Variants in TGM7 observed in about 807,000 individuals in gnomAD.
TGM7 encodes the protein transglutaminase 7.
Under a neutral mutation model 79.5 loss-of-function variants are expected in TGM7, and 74 were observed. That is an observed-to-expected ratio of 0.93 (90% confidence interval 0.77 to 1.13). The LOEUF is 1.13. Ranked by LOEUF, TGM7 falls within the 50% of genes most tolerant of loss-of-function variation. The pLI, the probability that TGM7 is intolerant of heterozygous loss-of-function variation, is 0.00. For synonymous variants in TGM7, 354 were observed against 362.5 expected (o/e 0.98, Z 0.27); for missense variants, 912 against 905.9 (o/e 1.01, Z -0.09).
At chr15:43,277,465 G>A (rs752844372) in intron 11 of TGM7, among the ~76,000 whole-genome samples, 5 of 152,222 alleles carry the variant, frequency 3.3e-5, no homozygotes, top group Non-Finnish European at 7.3e-5. Flanking sequence ...CGAGGAAACA[G>A]TGAGGCCAAG....
chr15:43,288,221 T>C (rs1231438616), intron 4 of TGM7, among the ~76,000 whole-genome samples: 1 of 152,162 alleles, frequency 6.6e-6, no homozygotes, highest in African/African-American at 2.4e-5. Context: ...GTGCACAATG[T>C]TTGTCACAAT....
intron 1 of TGM7, among the ~76,000 whole-genome samples, chr15:43,298,684 C>T (rs1276514702): frequency 1.3e-5 from 2 of 151,914 alleles, no homozygotes. Context: ...ACCCGGGAGG[C>T]GGAGGTTGCA....
chr15:43,282,470 TC>T, intron 8 of TGM7, 46 bp downstream of exon 8: 1 of 1,511,686 alleles, frequency 6.6e-7, no homozygotes, highest in Non-Finnish European at 9.0e-7. Flanking sequence ...GTCACCCTAA[TC>T]TGCCTCCCCA....
At chr15:43,290,232 A>G (rs2042956951) in intron 4 of TGM7, among the ~76,000 whole-genome samples, 1 of 152,146 alleles carries the variant, frequency 6.6e-6, no homozygotes, top group Non-Finnish European at 1.5e-5. Flanking sequence ...ATCTTGAATT[A>G]ATTTTTGTAT....
At chr15:43,292,591 C>A in intron 3 of TGM7, 118 bp downstream of exon 3, 1 of 1,260,800 alleles carries the variant, frequency 7.9e-7, no homozygotes, top group Non-Finnish European at 1.1e-6. Context: ...TTTGTGAGAG[C>A]ACACGCTACT....
intron 4 of TGM7, among the ~76,000 whole-genome samples, chr15:43,288,643 TA>T (rs940688582): frequency 1.5e-4 from 23 of 151,596 alleles, no homozygotes; most frequent in South Asian, 6.3e-4. Flanking sequence ...GTAATTTGCT[TA>T]AAAAAAAATT....
chr15:43,287,422 C>G lies in TGM7; in HGVS notation c.723G>C (p.Gly241=). 1 of 1,614,144 alleles carries G rather than the reference C, an allele frequency of 6.2e-7. No individual in the cohort carries two copies. Among genetic ancestry groups the G allele is most frequent in the Non-Finnish European group, 8.5e-7 (1 of 1,180,048 alleles). Residue 241 remains glycine (G), a synonymous_variant, in exon 6 of 13, where the codon GGG becomes GGC. Transcript: ENST00000452443. ...CTTTGGAGTAGTCCTCGCCCCAGTT[C>G]CCCTGCAGCACGCCATTGTCATCGT... ...NSNDDNGVLQ[G]NWGEDYSKGV...
At chr15:43,300,140 C>A (rs1216848342) in intron 1 of TGM7, among the ~76,000 whole-genome samples, 4 of 152,204 alleles carry the variant, frequency 2.6e-5, no homozygotes, top group Non-Finnish European at 5.9e-5. Flanking sequence ...ACCCAGCAGC[C>A]ACTCCTCCAC....
Position 43,292,241 on chromosome 15 carries a change from C to A in TGM7, c.440-144G>T, listed in dbSNP as rs1190484146. 4.8e-6 allele frequency: 3 copies of A among 622,884 alleles called. No homozygotes were observed. In the African/African-American group the frequency reaches 5.5e-5, roughly 11 times the overall value. The allele number at this position is 622,884 out of a possible 1,614,324, so 38.6% of individuals were successfully genotyped here. A position where few individuals can be genotyped will look rare whatever the true frequency, so the allele number is the denominator to read the frequency against. On this transcript the variant is annotated intron_variant, in intron 3 of 12. Transcript: ENST00000452443. The stretch of plus-strand genomic sequence containing the variant: ...ATAGCAACAGAAATTAAGACTAGAC[C>A]CCCTTAAAGGTCTACTATGTGCTTT...
Position 43,279,824 on chromosome 15 carries a change from C to T in TGM7, c.1479G>A (p.Gln493=). The change falls in exon 10 of 13, where the codon CAG becomes CAA. Residue 493 remains glutamine (Q), a synonymous_variant. Transcript: ENST00000452443. ...ACTCGGGTATCCTGGCCAGGTGAAG[C>T]TGCAGCTGCGCTGGCTGATCCCTAA... ...GGLRDQPAQL[Q]LHLARIPEWG... The T allele has an allele frequency of 6.2e-7, 1 of 1,614,248 alleles. No homozygotes were observed. Among genetic ancestry groups the T allele is most frequent in the Non-Finnish European group, 8.5e-7 (1 of 1,180,050 alleles).
chr15:43,293,502 A>T lies in TGM7; in HGVS notation c.140T>A (p.Phe47Tyr). The T allele has an allele frequency of 6.2e-7, 1 of 1,611,568 alleles. No individual in the cohort carries two copies. The highest frequency in any genetic ancestry group is 8.5e-7 in the Non-Finnish European group (1 of 1,179,400). ...GTTCTGGGACTGGAAGGGTCGGCTG[A>T]AGCTCAGCCGGAGGTAGAAGGGCTG... The part of the protein sequence containing the change: ...RGQPFYLRLS[F>Y]SRPFQSQNDH... Residue 47 changes from phenylalanine to tyrosine, a missense_variant, in exon 2 of 13, where the codon TTC becomes TAC. By Grantham distance (22) the Phe-to-Tyr change is conservative. Transcript: ENST00000452443.
chr15:43,281,654 G>A (rs2042909419), intron 9 of TGM7, among the ~76,000 whole-genome samples, 190 bp downstream of exon 9: 1 of 152,116 alleles, frequency 6.6e-6, no homozygotes, highest in Non-Finnish European at 1.5e-5. Context: ...ATTTAACTGG[G>A]CATCCTGTAT....
chr15:43,279,955 C>A lies in TGM7; in HGVS notation c.1352-4G>T. Reference sequence around the variant, plus strand: ...ACAGCTCTCTCCTCAGGGGATCCTGCAGAAGGGAGAGGTAGGAGAGACATG... The same window carrying A: ...ACAGCTCTCTCCTCAGGGGATCCTGAAGAAGGGAGAGGTAGGAGAGACATG... On this transcript the variant is annotated splice_polypyrimidine_tract_variant and splice_region_variant and intron_variant, in intron 9 of 12. Coordinates refer to ENST00000452443, the MANE Select transcript of TGM7 (RefSeq NM_052955.3). 1 of 1,612,220 alleles carries A rather than the reference C, an allele frequency of 6.2e-7. No homozygotes were observed. Among genetic ancestry groups the A allele is most frequent in the South Asian group, 1.1e-5 (1 of 90,936 alleles).
intron 3 of TGM7, 21 bp downstream of exon 3, chr15:43,292,688 C>T (rs1164519115): frequency 6.2e-7 from 1 of 1,612,518 alleles, no homozygotes; most frequent in Admixed American, 1.7e-5. Flanking sequence ...GTTAGCAATA[C>T]AAGCTGTGGG....
intron 1 of TGM7, among the ~76,000 whole-genome samples, chr15:43,294,913 T>C (rs186022185): frequency 4.6e-5 from 7 of 152,272 alleles, no homozygotes; most frequent in Non-Finnish European, 1.0e-4. Flanking sequence ...CTTTTTTTTT[T>C]TTGGAGACAG....
At position 43,279,172 on chromosome 15, in the gene TGM7, C is replaced by T. The variant is rs762217144; in HGVS notation, c.1784G>A (p.Arg595Lys). 1.2e-6 allele frequency: 2 copies of T among 1,614,148 alleles called. No homozygotes were observed. The highest frequency in any genetic ancestry group is 1.7e-4 in the Middle Eastern group (1 of 6,040). The change falls in exon 11 of 13, where the codon AGG becomes AAG. Residue 595 changes from arginine (R) to lysine (K), a missense_variant. Physicochemically the swap from Arg to Lys is conservative, Grantham distance 26. Coordinates refer to ENST00000452443, the MANE Select transcript of TGM7 (RefSeq NM_052955.3). ...SGIAEVEETG[R>K]SMLVLKDICL... ...GATATCTTTTAGGACCAGCATGGAC[C>T]TCCCTGTCTCTTCAACCTCCGCGAT...
At chr15:43,285,173 C>T (rs778644905) in intron 6 of TGM7, among the ~76,000 whole-genome samples, 42 of 152,292 alleles carry the variant, frequency 2.8e-4, no homozygotes, top group Admixed American at 6.5e-4. Context: ...ATTTGAGGGT[C>T]GCTTAAAACA....
chr15:43,287,198 G>C, intron 6 of TGM7, 82 bp downstream of exon 6: 1 of 1,489,130 alleles, frequency 6.7e-7, no homozygotes, highest in Non-Finnish European at 9.1e-7. Flanking sequence ...CCATGGGCAA[G>C]CTACTGAACC....
intron 4 of TGM7, 87 bp from the exon 5 acceptor site, chr15:43,287,756 G>A: frequency 7.9e-6 from 12 of 1,512,408 alleles, no homozygotes; most frequent in Non-Finnish European, 1.1e-5. Context: ...TTTTGGGGAT[G>A]GCATGTATAT....
Sources: allele counts gnomAD v4.1 joint callset (sites outside exome capture counted in the v4.1 genomes callset), GRCh38; gene constraint gnomAD v4.1.1; transcripts MANE v1.5; gene names NCBI Gene and HGNC (gene_info 2026-07-23, HGNC 2026-07-21).